The following SCHIP1 variants were observed in gnomAD, a reference collection of about 807,000 sequenced individuals.
SCHIP1 encodes schwannomin-interacting protein 1.
SCHIP1 carries 8 observed loss-of-function variants against 29.7 expected under a neutral mutation model. The observed-to-expected ratio is 0.27, with a 90% confidence interval of 0.16 to 0.49. The LOEUF (loss-of-function observed/expected upper bound fraction) is 0.49. Among genes scored for constraint, SCHIP1 ranks in the 20% least tolerant of loss-of-function variants. The pLI, the probability that SCHIP1 is intolerant of heterozygous loss-of-function variation, is 0.99. For missense variants in SCHIP1, 193 were observed against 294.6 expected, an observed-to-expected ratio of 0.66 and a Z score of 2.52; for synonymous variants, 76 against 94.9, an observed-to-expected ratio of 0.80 and a Z score of 1.16.
upstream of SCHIP1, among the ~76,000 whole-genome samples, chr3:159,838,857 C>T (rs557643213): frequency 3.6e-4 from 53 of 148,778 alleles, no homozygotes; most frequent in Non-Finnish European, 1.5e-4. Flanking sequence ...TCTCGCCACT[C>T]GCCACTGCAC....
chr3:159,607,079 A>C, the SCHIP1 span, among the ~76,000 whole-genome samples: 4 of 152,240 alleles, frequency 2.6e-5, no homozygotes, highest in African/African-American at 9.6e-5. Flanking sequence ...GCAAAAGAAC[A>C]GTCTTGAGAA....
chr3:159,501,674 A>G, the SCHIP1 span, among the ~76,000 whole-genome samples: 3 of 152,346 alleles, frequency 2.0e-5, no homozygotes, highest in South Asian at 6.2e-4. Context: ...TGATTACTCA[A>G]TTTCATACAT....
chr3:159,484,427 T>C, the SCHIP1 span, among the ~76,000 whole-genome samples: 1 of 152,110 alleles, frequency 6.6e-6, no homozygotes, highest in African/African-American at 2.4e-5. Context: ...ATGGCCAGAG[T>C]TGAGTTTCTC....
the SCHIP1 span, among the ~76,000 whole-genome samples, chr3:159,703,076 T>C: frequency 6.6e-6 from 1 of 152,216 alleles, no homozygotes; most frequent in Non-Finnish European, 1.5e-5. Flanking sequence ...GAGGCTGTTA[T>C]TTGGGATCTT....
At chr3:159,343,013 GT>G in the SCHIP1 span, among the ~76,000 whole-genome samples, 2 of 151,846 alleles carry the variant, frequency 1.3e-5, no homozygotes, top group Non-Finnish European at 2.9e-5. Context: ...TAAATGTCTT[GT>G]TTTTTTTCAG....
the SCHIP1 span, among the ~76,000 whole-genome samples, chr3:159,624,425 AG>A: frequency 6.6e-6 from 1 of 152,196 alleles, no homozygotes; most frequent in Admixed American, 6.5e-5. Context: ...TAACGGGCAA[AG>A]GTATAATATT....
the SCHIP1 span, among the ~76,000 whole-genome samples, chr3:159,820,211 C>T: frequency 6.6e-6 from 1 of 152,076 alleles, no homozygotes; most frequent in South Asian, 2.1e-4. Flanking sequence ...CCCAAAAGAG[C>T]AACCCTAAAG....
the SCHIP1 span, among the ~76,000 whole-genome samples, chr3:159,516,182 A>T: frequency 1.3e-5 from 2 of 152,036 alleles, no homozygotes; most frequent in Non-Finnish European, 2.9e-5. Context: ...TTTATTTCTT[A>T]TAAGTGATAA....
chr3:159,324,192 A>G, the SCHIP1 span, among the ~76,000 whole-genome samples: 1 of 152,124 alleles, frequency 6.6e-6, no homozygotes, highest in African/African-American at 2.4e-5. Context: ...TCAGTTTCTC[A>G]ATACCTATGT....
the SCHIP1 span, among the ~76,000 whole-genome samples, chr3:159,296,928 T>C: frequency 3.3e-5 from 5 of 152,222 alleles, no homozygotes; most frequent in African/African-American, 1.2e-4. Flanking sequence ...TCCTATTTCC[T>C]TCACTCCCTA....
chr3:159,360,799 A>G, the SCHIP1 span, among the ~76,000 whole-genome samples: 2 of 152,098 alleles, frequency 1.3e-5, no homozygotes, highest in Admixed American at 1.3e-4. Flanking sequence ...GCTTTATTCC[A>G]TAATCCTTTA....
chr3:159,448,711 G>T, the SCHIP1 span, among the ~76,000 whole-genome samples: 1 of 152,112 alleles, frequency 6.6e-6, no homozygotes, highest in Non-Finnish European at 1.5e-5. Context: ...TCATTTTGTA[G>T]ATTGTGTCAT....
the SCHIP1 span, among the ~76,000 whole-genome samples, chr3:159,296,907 G>A: frequency 6.6e-6 from 1 of 152,012 alleles, no homozygotes; most frequent in Non-Finnish European, 1.5e-5. Flanking sequence ...TATACTCTTT[G>A]ACTAACATCT....
chr3:159,390,211 T>C, the SCHIP1 span, among the ~76,000 whole-genome samples: 3 of 152,092 alleles, frequency 2.0e-5, no homozygotes, highest in Non-Finnish European at 2.9e-5. Context: ...GATAGGACTT[T>C]TGTGAAAGTT....
the SCHIP1 span, among the ~76,000 whole-genome samples, chr3:159,466,219 A>T: frequency 6.6e-6 from 1 of 152,110 alleles, no homozygotes; most frequent in South Asian, 2.1e-4. Flanking sequence ...AAAACATGAG[A>T]CTTTGTAGTC....
the SCHIP1 span, among the ~76,000 whole-genome samples, chr3:159,298,166 A>T: frequency 2.0e-5 from 3 of 152,200 alleles, no homozygotes; most frequent in Non-Finnish European, 2.9e-5. Context: ...TACAGCTCAC[A>T]TAGATGATTC....
the SCHIP1 span, among the ~76,000 whole-genome samples, chr3:159,610,162 A>G: frequency 6.6e-6 from 1 of 152,178 alleles, no homozygotes; most frequent in African/African-American, 2.4e-5. Context: ...TTGGAATTCA[A>G]ATCTAAGTTT....
chr3:159,830,703 C>T, the SCHIP1 span, among the ~76,000 whole-genome samples: 1 of 152,142 alleles, frequency 6.6e-6, no homozygotes, highest in Admixed American at 6.5e-5. Context: ...GGCTCTGTTC[C>T]ACATCTATAG....
At chr3:159,278,492 A>G in the SCHIP1 span, among the ~76,000 whole-genome samples, 1 of 152,240 alleles carries the variant, frequency 6.6e-6, no homozygotes, top group East Asian at 1.9e-4. Flanking sequence ...TTTAGAATTC[A>G]TTGATCACTA....
Sources: allele counts gnomAD v4.1 joint callset (sites outside exome capture counted in the v4.1 genomes callset), GRCh38; gene constraint gnomAD v4.1.1; transcripts MANE v1.5; gene names NCBI Gene and HGNC (gene_info 2026-07-23, HGNC 2026-07-21).